Variants in ARMC2 observed in about 807,000 individuals in gnomAD.
ARMC2 encodes armadillo repeat-containing protein 2.
Under a neutral mutation model 90.3 loss-of-function variants are expected in ARMC2, and 67 were observed. The ratio of observed to expected loss-of-function variants is 0.74; its 90% confidence interval spans 0.61 to 0.91. The LOEUF (loss-of-function observed/expected upper bound fraction) is 0.91. Ranked by LOEUF, ARMC2 falls within the 40% of genes least tolerant of loss-of-function variation. The pLI is 0.00. For missense variants in ARMC2, 920 were observed against 1,030.9 expected (o/e 0.89, Z 1.47); for synonymous variants, 393 against 393.0 (o/e 1.00, Z 0.00).
At chr6:108,996,154 T>C in the ARMC2 span, among the ~76,000 whole-genome samples, 2 of 152,256 alleles carry the variant, frequency 1.3e-5, no homozygotes, top group Non-Finnish European at 2.9e-5. Flanking sequence ...ACCTGGTACA[T>C]AGTAGATATT....
chr6:108,994,426 C>G, the ARMC2 span: 2 of 1,532,676 alleles, frequency 1.3e-6, no homozygotes, highest in Non-Finnish European at 1.8e-6. Context: ...GTTGAGTTTG[C>G]AATAATTATA....
In ARMC2 at chr6:108,962,021, A is replaced by G. The variant is rs1169198222; in HGVS notation, c.2046A>G (p.Leu682=). The stretch of plus-strand genomic sequence containing the variant: ...TCTGGTCGCCAAATCCAGTGCTCTT[A>G]AAGCTTCTTGTCAGTAACAACATGG... ...DKKLYIAELL[L]KLLVSNNMDG... is the part of the protein sequence containing the mutation. Residue 682 remains leucine, a synonymous_variant, in exon 15 of 18, where the codon TTA becomes TTG. Coordinates refer to ENST00000392644, the MANE Select transcript of ARMC2 (RefSeq NM_032131.6). The G allele has an allele frequency of 4.4e-6, 7 of 1,608,300 alleles. No homozygotes were observed. In the African/African-American group the frequency reaches 5.4e-5, roughly 12 times the overall value.
In ARMC2 at chr6:108,900,644, G is replaced by A. The variant is rs568981600; in HGVS notation, c.847+852G>A. 3.3e-5 allele frequency among the ~76,000 whole-genome samples: 5 copies of A among 152,266 alleles called. No individual in the cohort carries two copies. The East Asian group carries it at 9.7e-4, about 29-fold the overall frequency. ...CTGCAAAAGACCTGATTACTGAAAG[G>A]TTCAAATGACCTCACCCCTCCTCTG... On this transcript the variant is annotated intron_variant, in intron 7 of 17. Coordinates refer to ENST00000392644, the MANE Select transcript of ARMC2 (RefSeq NM_032131.6).
rs1439921435 is a variant in ARMC2, at chr6:108,876,093, T to C, written c.464-50T>C. 3 of 1,370,042 alleles carry C rather than the reference T, an allele frequency of 2.2e-6. No individual in the cohort carries two copies. In the African/African-American group the frequency reaches 4.4e-5, roughly 20 times the overall value. 84.9% of individuals were successfully genotyped at this position (1,370,042 alleles called of 1,614,324 possible). A position where few individuals can be genotyped will look rare whatever the true frequency, so the allele number is the denominator to read the frequency against. ...GAAAAATAACATTGAAAGGTAGTGA[T>C]TCCTAAAATAAGAATACTTCAACAA... On this transcript the variant is annotated intron_variant, in intron 4 of 17. Coordinates refer to ENST00000392644, the MANE Select transcript of ARMC2 (RefSeq NM_032131.6).
At chr6:108,864,400 C>T (rs746671419) in intron 3 of ARMC2, among the ~76,000 whole-genome samples, 2 of 152,124 alleles carry the variant, frequency 1.3e-5, no homozygotes, top group African/African-American at 2.4e-5. Flanking sequence ...AGGCGCCCAC[C>T]ACCATGCCCA....
chr6:109,006,516 A>C, the ARMC2 span, among the ~76,000 whole-genome samples: 1 of 142,198 alleles, frequency 7.0e-6, no homozygotes, highest in Non-Finnish European at 1.5e-5. Flanking sequence ...AAGCCCTGAG[A>C]TTTGAACCCA....
chr6:108,943,072 G>A (rs1776571656), intron 12 of ARMC2, among the ~76,000 whole-genome samples: 1 of 152,088 alleles, frequency 6.6e-6, no homozygotes, highest in Admixed American at 6.5e-5. Context: ...GTAGCACCAG[G>A]GCCGTTTGCT....
the ARMC2 span, among the ~76,000 whole-genome samples, chr6:108,993,790 A>G: frequency 5.3e-5 from 8 of 152,020 alleles, no homozygotes; most frequent in African/African-American, 1.7e-4. Flanking sequence ...TGTTGCCCCA[A>G]CTAGTCTGGA....
intron 12 of ARMC2, among the ~76,000 whole-genome samples, chr6:108,945,253 G>C (rs1776724484): frequency 6.6e-6 from 1 of 152,152 alleles, no homozygotes; most frequent in African/African-American, 2.4e-5. Context: ...TCTGACGTCA[G>C]TGTTGCTACA....
the ARMC2 span, among the ~76,000 whole-genome samples, chr6:109,013,576 A>G: frequency 6.6e-6 from 1 of 152,252 alleles, no homozygotes; most frequent in Non-Finnish European, 1.5e-5. Flanking sequence ...TAATTAGGTT[A>G]AAAGGCATAA....
chr6:108,886,442 G>C (rs183906759), intron 5 of ARMC2, among the ~76,000 whole-genome samples: 2 of 152,236 alleles, frequency 1.3e-5, no homozygotes, highest in South Asian at 4.1e-4. Flanking sequence ...ACAGGCACAT[G>C]CCTGTAATCC....
intron 10 of ARMC2, among the ~76,000 whole-genome samples, chr6:108,914,671 A>ACAT (rs998252279): frequency 2.0e-5 from 3 of 152,172 alleles, no homozygotes; most frequent in African/African-American, 7.2e-5. Flanking sequence ...AAGGAAGGAG[A>ACAT]CATTGTTTTA....
intron 5 of ARMC2, among the ~76,000 whole-genome samples, chr6:108,881,123 A>T (rs1347519590): frequency 6.6e-6 from 1 of 150,864 alleles, no homozygotes; most frequent in African/African-American, 2.4e-5. Context: ...CAAAGTACTG[A>T]GATTACAGGC....
the ARMC2 span, chr6:108,990,576 C>A: frequency 3.6e-6 from 5 of 1,373,592 alleles, no homozygotes; most frequent in Non-Finnish European, 5.2e-6. Context: ...TGTGCATGTG[C>A]GCTCCAAGCA....
In ARMC2 at chr6:108,963,988, C is replaced by T. The variant is rs543578368; in HGVS notation, c.2153-192C>T. ...AGTATCTGTCGATTGGGGGAGCCAACTCTGGGAGTGGTGGGTATTGGGGAA... is the reference window on the plus strand; with the variant it reads ...AGTATCTGTCGATTGGGGGAGCCAATTCTGGGAGTGGTGGGTATTGGGGAA... On this transcript the variant is annotated intron_variant, in intron 15 of 17. Transcript: ENST00000392644. Among the ~76,000 whole-genome samples the T allele has an allele frequency of 6.6e-5, 10 of 152,292 alleles. No homozygotes were observed. In the South Asian group the frequency reaches 2.1e-3, roughly 32 times the overall value.
the ARMC2 span, among the ~76,000 whole-genome samples, chr6:108,980,839 G>A: frequency 2.0e-5 from 3 of 152,224 alleles, no homozygotes; most frequent in African/African-American, 2.4e-5. Context: ...GCAGTAAGCC[G>A]AGATTGTGCC....
At chr6:108,997,494 T>C in the ARMC2 span, among the ~76,000 whole-genome samples, 2 of 152,190 alleles carry the variant, frequency 1.3e-5, no homozygotes, top group African/African-American at 2.4e-5. Flanking sequence ...AAAATTATTC[T>C]TTCTTGTGCT....
the ARMC2 span, among the ~76,000 whole-genome samples, chr6:108,992,322 G>T: frequency 1.3e-5 from 2 of 151,748 alleles, no homozygotes; most frequent in Admixed American, 6.6e-5. Flanking sequence ...CCCCTTGTTG[G>T]CCAGGCTGGT....
At chr6:108,904,044 A>G (rs1346932897) in intron 7 of ARMC2, among the ~76,000 whole-genome samples, 186 bp from the exon 8 acceptor site, 1 of 152,212 alleles carries the variant, frequency 6.6e-6, no homozygotes, top group Admixed American at 6.5e-5. Context: ...ATGGTAGGAG[A>G]TGGATCAAAG....
Sources: gnomAD v4.1 joint callset for allele counts (sites outside exome capture counted in the v4.1 genomes callset) on GRCh38, gnomAD v4.1.1 for gene constraint, MANE v1.5 for transcripts, NCBI Gene and HGNC (gene_info 2026-07-23, HGNC 2026-07-21) for gene names.